Variants in C8orf74 observed in about 807,000 individuals in gnomAD.
C8orf74 encodes uncharacterized protein C8orf74.
Under a neutral mutation model 22.2 loss-of-function variants are expected in C8orf74, and 29 were observed. The ratio of observed to expected loss-of-function variants is 1.31; its 90% CI spans 0.97 to 1.78. The LOEUF is 1.78. C8orf74 is among the 40% of genes most tolerant of loss of function. C8orf74 has a pLI of 0.00. For synonymous variants in C8orf74, 255 were observed against 163.1 expected (o/e 1.56, Z -4.30); for missense variants, 515 against 369.9 (o/e 1.39, Z -3.22).
rs927881859 is a variant in C8orf74, at chr8:10,677,731, A to G, written c.241+2893A>G. On this transcript the variant is annotated intron_variant, in intron 2 of 3. Transcript: ENST00000304519. ...ACGGCATCTGGATTCAAACACAGCAATCGGTGAGGTGGTCAGGGATGTACC... is the reference window on the plus strand; with the variant it reads ...ACGGCATCTGGATTCAAACACAGCAGTCGGTGAGGTGGTCAGGGATGTACC... Among the ~76,000 whole-genome samples, 8 of 152,128 alleles carry G rather than the reference A, an allele frequency of 5.3e-5. No homozygotes were observed. In the South Asian group the frequency reaches 1.7e-3, roughly 32 times the overall value.
In C8orf74 at chr8:10,698,722, T is replaced by A. The variant is rs532202846; in HGVS notation, c.648+717T>A. On this transcript the variant is annotated intron_variant, in intron 3 of 3. Transcript: ENST00000304519. The stretch of plus-strand genomic sequence containing the variant: ...CACTGAAGTCATCATTGTTGCATCA[T>A]CTCTGAACATACTTTGAGAGACAAG... 2.6e-5 allele frequency among the ~76,000 whole-genome samples: 4 copies of A among 152,288 alleles called. No homozygotes were observed. In the South Asian group the frequency reaches 8.3e-4, roughly 32 times the overall value.
intron 2 of C8orf74, 139 bp downstream of exon 2, chr8:10,674,977 C>T (rs369753177): frequency 1.2e-5 from 8 of 652,852 alleles, no homozygotes; most frequent in African/African-American, 5.5e-5. Context: ...ATTGGGCCTC[C>T]TCACATGCTT....
chr8:10,693,249 G>T (rs140807729), intron 2 of C8orf74, among the ~76,000 whole-genome samples: 1 of 152,252 alleles, frequency 6.6e-6, no homozygotes, highest in African/African-American at 2.4e-5. Context: ...TCCCCCTCTT[G>T]CCTTGCCCTT....
intron 1 of C8orf74, among the ~76,000 whole-genome samples, chr8:10,674,163 GCC>G (rs1277956539): frequency 1.6e-4 from 16 of 99,570 alleles, no homozygotes; most frequent in Admixed American, 2.7e-4. Flanking sequence ...ACACCCTGCA[GCC>G]CCCATATCAC....
intron 2 of C8orf74, among the ~76,000 whole-genome samples, chr8:10,676,174 C>T (rs1799028389): frequency 6.6e-6 from 1 of 151,930 alleles, no homozygotes; most frequent in African/African-American, 2.4e-5. Flanking sequence ...AATTATTTTC[C>T]AAAAAAGTAT....
chr8:10,700,140 G>A, intron 3 of C8orf74, 95 bp from the exon 4 acceptor site: 1 of 782,086 alleles, frequency 1.3e-6, no homozygotes, highest in South Asian at 1.9e-5. Context: ...GATGGACAGT[G>A]GACACATTCT....
intron 2 of C8orf74, 136 bp from the exon 3 acceptor site, chr8:10,697,463 G>C (rs1357236507): frequency 2.0e-5 from 14 of 701,458 alleles, no homozygotes; most frequent in Non-Finnish European, 3.2e-5. Flanking sequence ...AAAATAAATA[G>C]AAATAAATAT....
chr8:10,694,532 G>C (rs984078557), intron 2 of C8orf74, among the ~76,000 whole-genome samples: 1 of 152,188 alleles, frequency 6.6e-6, no homozygotes, highest in Non-Finnish European at 1.5e-5. Context: ...AAAGGAGCAG[G>C]TGGGGAATAA....
At position 10,697,630 on chromosome 8, in the gene C8orf74, G is replaced by A. The variant is rs1212810380; in HGVS notation, c.273G>A (p.Leu91=). 7 of 1,613,792 alleles carry A rather than the reference G, an allele frequency of 4.3e-6. No homozygotes were observed. The highest frequency in any genetic ancestry group is 2.7e-5 in the African/African-American group (2 of 74,910). The change falls in exon 3 of 4, where the codon CTG becomes CTA. Residue 91 remains leucine (L), a synonymous_variant. Transcript: ENST00000304519. ...GCSITEAVTI[L]GNKLRDYRGH... is the part of the protein sequence containing the mutation. ...CCATTACTGAGGCTGTGACGATCCT[G>A]GGGAACAAGCTTAGAGATTACCGGG...
intron 2 of C8orf74, among the ~76,000 whole-genome samples, chr8:10,696,557 C>T (rs992786558): frequency 6.7e-6 from 1 of 150,226 alleles, no homozygotes; most frequent in Non-Finnish European, 1.5e-5. Flanking sequence ...AAGCAATTCT[C>T]CTGCCTCAGC....
intron 2 of C8orf74, chr8:10,687,375 C>T (rs1025927270): frequency 1.4e-5 from 4 of 287,550 alleles, no homozygotes; most frequent in African/African-American, 4.4e-5. Context: ...TACGGCTAGG[C>T]GCAATGGCTA....
chr8:10,691,777 T>C (rs1799386999), intron 2 of C8orf74: 1 of 152,312 alleles, frequency 6.6e-6, no homozygotes, highest in African/African-American at 2.4e-5. Context: ...ATGTACGCTA[T>C]CCTTGGAGGT....
chr8:10,700,510 C>G lies in C8orf74; in HGVS notation c.*39C>G. On this transcript the variant is annotated 3_prime_UTR_variant, in exon 4 of 4. Coordinates refer to ENST00000304519, the MANE Select transcript of C8orf74 (RefSeq NM_001040032.2). Reference sequence around the variant, plus strand: ...CCACACGAGACTGACTGGGGACCAGCCACCCATAACCATGAGCCTTGCGGC... The same window carrying G: ...CCACACGAGACTGACTGGGGACCAGGCACCCATAACCATGAGCCTTGCGGC... The G allele has an allele frequency of 1.5e-6, 2 of 1,322,660 alleles. No homozygotes were observed. The highest frequency in any genetic ancestry group is 2.9e-5 in the South Asian group (2 of 68,608). The allele number at this position is 1,322,660 out of a possible 1,614,324, so 81.9% of individuals were successfully genotyped here.
At position 10,700,455 on chromosome 8, in the gene C8orf74, C is replaced by T. The variant is rs61742897; in HGVS notation, c.869C>T (p.Ala290Val). 12,419 of 1,588,610 alleles carry T rather than the reference C, an allele frequency of 7.8e-3. 599 individuals are homozygous for T. The African/African-American group carries it at 0.12, about 16-fold the overall frequency. ...CAAAGAGCGAGCAAAGGAAAGAAAG[C>T]GAAGGCAAGGAAGTAGAAGGTCCCG... ...KPQRASKGKK[A>V]KARK Residue 290 changes from alanine to valine, a missense_variant, in exon 4 of 4, where the codon GCG becomes GTG. Transcript: ENST00000304519.
chr8:10,685,974 C>T lies in C8orf74; in HGVS notation c.241+11136C>T, dbSNP rs368665445. On this transcript the variant is annotated intron_variant, in intron 2 of 3. Transcript: ENST00000304519. ...GTCCCAACTACTCAGGAGGCTGAGG[C>T]GGGAGAATCACTTGAGCCCGGGAGG... Among the ~76,000 whole-genome samples, 22 of 152,180 alleles carry T rather than the reference C, an allele frequency of 1.4e-4. No homozygotes were observed. The East Asian group carries it at 3.1e-3, about 21-fold the overall frequency.
intron 1 of C8orf74, among the ~76,000 whole-genome samples, chr8:10,674,173 C>A (rs113653471): frequency 5.5e-4 from 78 of 141,952 alleles, no homozygotes; most frequent in African/African-American, 2.0e-3. Flanking sequence ...GCCCCCATAT[C>A]ACAGCCTGCA....
chr8:10,684,014 A>G (rs1799209897), intron 2 of C8orf74, among the ~76,000 whole-genome samples: 1 of 152,168 alleles, frequency 6.6e-6, no homozygotes. Context: ...CCACGATGCT[A>G]GGCAGGAGGT....
intron 2 of C8orf74, among the ~76,000 whole-genome samples, chr8:10,680,792 G>C (rs1031614808): frequency 1.2e-4 from 18 of 152,300 alleles, no homozygotes; most frequent in African/African-American, 3.4e-4. Context: ...GGGGCAGAAA[G>C]AGCTGGCGTA....
chr8:10,685,655 G>C (rs935154792), intron 2 of C8orf74, among the ~76,000 whole-genome samples: 1 of 152,196 alleles, frequency 6.6e-6, no homozygotes, highest in Non-Finnish European at 1.5e-5. Context: ...GGAGTGGGGA[G>C]TTAATGTTTA....
Sources: gnomAD v4.1 joint callset for allele counts (sites outside exome capture counted in the v4.1 genomes callset) on GRCh38, gnomAD v4.1.1 for gene constraint, MANE v1.5 for transcripts, NCBI Gene and HGNC (gene_info 2026-07-23, HGNC 2026-07-21) for gene names.